PLD1: variants seen among roughly 807,000 people sequenced by gnomAD.
PLD1 encodes the protein phospholipase D1.
Under a neutral mutation model 137.1 loss-of-function variants are expected in PLD1, and 112 were observed. The observed-to-expected ratio is 0.82, with a 90% CI of 0.70 to 0.96. The LOEUF is 0.96. Among genes scored for constraint, PLD1 ranks in the 40% least tolerant of loss-of-function variants. The pLI is 0.00. For synonymous variants in PLD1, 431 were observed against 454.7 expected (o/e 0.95, Z 0.66); for missense variants, 1,321 against 1,342.0 (o/e 0.98, Z 0.24).
intron 20 of PLD1, among the ~76,000 whole-genome samples, chr3:171,661,521 A>G (rs961274972): frequency 5.3e-5 from 8 of 152,110 alleles, no homozygotes; most frequent in African/African-American, 1.9e-4. Flanking sequence ...AAATTCTGGG[A>G]TGAAAAAAAG....
rs894948965 is a variant in PLD1 at position 171,600,733 on chromosome 3, C to A, written c.*2345G>T. ...TCCCTCCAAGTAAATCTTATCACCCCTTTGCAGATGAGCATCTTGTCTTTG... is the reference window on the plus strand; with the variant it reads ...TCCCTCCAAGTAAATCTTATCACCCATTTGCAGATGAGCATCTTGTCTTTG... On this transcript the variant is annotated 3_prime_UTR_variant, in exon 27 of 27. Transcript: ENST00000351298. 2.0e-5 allele frequency: 3 copies of A among 151,920 alleles called. No individual in the cohort carries two copies. The highest frequency in any genetic ancestry group is 4.4e-5 in the Non-Finnish European group (3 of 68,012). The allele number at this position is 151,920 out of a possible 1,614,324, so 9.4% of individuals were successfully genotyped here.
intron 23 of PLD1, among the ~76,000 whole-genome samples, chr3:171,634,298 T>C (rs1352955841): frequency 1.3e-5 from 2 of 152,192 alleles, no homozygotes; most frequent in African/African-American, 4.8e-5. Context: ...AAATACTTTA[T>C]AATAAGCTCA....
chr3:171,620,515 T>C lies in PLD1; in HGVS notation c.2599A>G (p.Asn867Asp). ...ILGQLKAELG[N>D]QWINYISFCG... The stretch of plus-strand genomic sequence containing the variant: ...AATGATATGTAATTTATCCACTGAT[T>C]ACCAACTGCAAATTTAAAAAGAAAT... Residue 867 changes from asparagine to aspartate, a missense_variant, in exon 24 of 27, where the codon AAT (asparagine) becomes GAT (aspartate). By Grantham distance (23) the Asn-to-Asp change is conservative (BLOSUM62 1). Transcript: ENST00000351298. The C allele has an allele frequency of 6.4e-7, 1 of 1,564,298 alleles. No individual in the cohort carries two copies. The highest frequency in any genetic ancestry group is 8.8e-7 in the Non-Finnish European group (1 of 1,141,986).
chr3:171,781,635 G>A (rs1329228686), intron 1 of PLD1, among the ~76,000 whole-genome samples: 1 of 152,180 alleles, frequency 6.6e-6, no homozygotes, highest in Non-Finnish European at 1.5e-5. Flanking sequence ...ATATGAAAAA[G>A]TGCTCCATGT....
rs530339240 is a variant in PLD1, at chr3:171,776,085, A to G, written c.-32+34314T>C. Among the ~76,000 whole-genome samples, 6 of 152,330 alleles carry G rather than the reference A, an allele frequency of 3.9e-5. No homozygotes were observed. The East Asian group carries it at 9.7e-4, about 25-fold the overall frequency. ...ATTTGCGTAAACAAAGGGCTTTCAC[A>G]TGTATTAGCCTGTTAGTTCATCACA... On this transcript the variant is annotated intron_variant, in intron 1 of 26. Transcript: ENST00000351298.
intron 1 of PLD1, among the ~76,000 whole-genome samples, chr3:171,757,528 A>G (rs778210853): frequency 3.3e-5 from 5 of 152,210 alleles, no homozygotes; most frequent in Non-Finnish European, 5.9e-5. Context: ...TTTAGTCTCT[A>G]TTAGAGAAAC....
At chr3:171,631,645 T>A (rs984901780) in intron 23 of PLD1, among the ~76,000 whole-genome samples, 9 of 152,110 alleles carry the variant, frequency 5.9e-5, no homozygotes, top group Non-Finnish European at 1.0e-4. Context: ...TAAAAGAAGA[T>A]GATTAGCGGG....
intron 24 of PLD1, among the ~76,000 whole-genome samples, chr3:171,614,779 T>C (rs1732959170): frequency 6.6e-6 from 1 of 152,232 alleles, no homozygotes; most frequent in Non-Finnish European, 1.5e-5. Context: ...CTGCTTTGTT[T>C]CGGGTCAGGA....
At chr3:171,639,665 T>G (rs1178010287) in intron 23 of PLD1, among the ~76,000 whole-genome samples, 5 of 120,666 alleles carry the variant, frequency 4.1e-5, no homozygotes, top group Non-Finnish European at 6.4e-5. Flanking sequence ...TATATTCATA[T>G]AATATATATT....
At chr3:171,758,508 G>A (rs1416081394) in intron 1 of PLD1, among the ~76,000 whole-genome samples, 1 of 152,168 alleles carries the variant, frequency 6.6e-6, no homozygotes, top group Non-Finnish European at 1.5e-5. Flanking sequence ...GTGGTCCATG[G>A]ACTAGCCTCG....
chr3:171,792,274 T>C (rs79243071), intron 1 of PLD1: 272 of 246,800 alleles, frequency 1.1e-3, no homozygotes, highest in African/African-American at 5.8e-3. Flanking sequence ...TTTCCCTGTC[T>C]CACAGCCCAG....
In PLD1 at chr3:171,713,919, A is replaced by G. The variant is rs949885643; in HGVS notation, c.885T>C (p.Tyr295=). 3.1e-6 allele frequency: 5 copies of G among 1,613,194 alleles called. No homozygotes were observed. In the South Asian group the frequency reaches 4.4e-5, roughly 14 times the overall value. Residue 295 remains tyrosine, a synonymous_variant, in exon 9 of 27, where the codon TAT becomes TAC. Coordinates refer to ENST00000351298, the MANE Select transcript of PLD1 (RefSeq NM_002662.5). ...TTGAAAGATTATCAATTCGGATTCC[A>G]TATTTCGTTTCTGTCTCCTTCTTCC... ...KVGKKETETK[Y]GIRIDNLSRT... is the part of the protein sequence containing the mutation.
At chr3:171,643,939 A>G (rs1245800932) in intron 22 of PLD1, among the ~76,000 whole-genome samples, 2 of 152,032 alleles carry the variant, frequency 1.3e-5, no homozygotes, top group Non-Finnish European at 2.9e-5. Context: ...GTAAGAAAAA[A>G]GAGGATTAAA....
Position 171,642,846 on chromosome 3 carries a change from C to T in PLD1, c.2587G>A (p.Ala863Thr), listed in dbSNP as rs1424329976. 6.3e-7 allele frequency: 1 copy of T among 1,578,600 alleles called. No individual in the cohort carries two copies. Among genetic ancestry groups the T allele is most frequent in the African/African-American group, 1.4e-5 (1 of 73,552 alleles). ...AAAAAAAGCAGTTACTTACGCTCTGCTTTTAACTGTCCAAGGATGGAATTT... is the reference window on the plus strand; with the variant it reads ...AAAAAAAGCAGTTACTTACGCTCTGTTTTTAACTGTCCAAGGATGGAATTT... ...GENSILGQLK[A>T]ELGNQWINYI... Residue 863 changes from alanine to threonine, a missense_variant, in exon 23 of 27, where the codon GCA (alanine) becomes ACA (threonine). Transcript: ENST00000351298.
At chr3:171,674,403 T>C (rs951415439) in intron 19 of PLD1, 97 bp downstream of exon 19, 5 of 542,802 alleles carry the variant, frequency 9.2e-6, no homozygotes, top group East Asian at 3.1e-5. Context: ...AAAGCAGTCA[T>C]TGAAAAATCT....
chr3:171,643,032 A>G (rs1735900520), intron 22 of PLD1, 143 bp from the exon 23 acceptor site: 1 of 581,038 alleles, frequency 1.7e-6, no homozygotes, highest in Admixed American at 3.8e-5. Context: ...CTAAATGCTA[A>G]AAACAGTTAC....
intron 1 of PLD1, among the ~76,000 whole-genome samples, chr3:171,773,771 C>T (rs1384419885): frequency 2.9e-5 from 4 of 139,504 alleles, no homozygotes; most frequent in African/African-American, 6.7e-5. Context: ...TTGTTTGAGA[C>T]GGAGTCTCGC....
chr3:171,751,736 C>T (rs1450804426), intron 1 of PLD1, among the ~76,000 whole-genome samples: 5 of 152,208 alleles, frequency 3.3e-5, no homozygotes. Flanking sequence ...CGCGGTGGCT[C>T]ACGCCTGTAA....
intron 1 of PLD1, among the ~76,000 whole-genome samples, chr3:171,740,101 C>G (rs367693443): frequency 2.0e-5 from 3 of 152,112 alleles, no homozygotes; most frequent in Non-Finnish European, 4.4e-5. Flanking sequence ...TCTTTTAACA[C>G]GAAAACCCTA....
Sources: gnomAD v4.1 joint callset for allele counts (sites outside exome capture counted in the v4.1 genomes callset) on GRCh38, gnomAD v4.1.1 for gene constraint, MANE v1.5 for transcripts, NCBI Gene and HGNC (gene_info 2026-07-23, HGNC 2026-07-21) for gene names.